Variants in PPP4R2 observed in about 807,000 individuals in gnomAD.
PPP4R2 encodes the protein serine/threonine-protein phosphatase 4 regulatory subunit 2.
In PPP4R2, 13 loss-of-function variants were observed where a neutral mutation model predicts 47.2. The ratio of observed to expected loss-of-function variants is 0.28; its 90% CI spans 0.18 to 0.44. The LOEUF is 0.44. Ranked by LOEUF, PPP4R2 falls within the 20% of genes least tolerant of loss-of-function variation. PPP4R2 has a pLI of 1.00. For synonymous variants in PPP4R2, 151 were observed against 163.3 expected (o/e 0.92, Z 0.57); for missense variants, 421 against 491.2 (o/e 0.86, Z 1.35).
At chr3:73,011,237 T>A (rs1701719240) in intron 2 of PPP4R2, among the ~76,000 whole-genome samples, 2 of 152,144 alleles carry the variant, frequency 1.3e-5, no homozygotes, top group Admixed American at 1.3e-4. Flanking sequence ...CGCAGCACTT[T>A]GGGAGGCCGA....
intron 2 of PPP4R2, among the ~76,000 whole-genome samples, chr3:73,038,015 A>G (rs1455597834): frequency 1.3e-5 from 2 of 152,196 alleles, no homozygotes; most frequent in East Asian, 3.8e-4. Flanking sequence ...CTGAGTTGGT[A>G]GAATGAAAAA....
intron 2 of PPP4R2, among the ~76,000 whole-genome samples, chr3:73,022,884 T>G: frequency 6.6e-6 from 1 of 151,722 alleles, no homozygotes; most frequent in East Asian, 1.9e-4. Context: ...ACAAGCAACT[T>G]GGAAGAGACA....
chr3:73,058,921 C>G, intron 3 of PPP4R2, 116 bp from the exon 4 acceptor site: 1 of 584,808 alleles, frequency 1.7e-6, no homozygotes, highest in South Asian at 2.2e-5. Context: ...ATAGCATTTT[C>G]TTTTGTAGCT....
At chr3:73,063,940 C>G in intron 6 of PPP4R2, 63 bp from the exon 7 acceptor site, 1 of 1,447,364 alleles carries the variant, frequency 6.9e-7, no homozygotes, top group Non-Finnish European at 9.4e-7. Context: ...TTCACATCAA[C>G]ATACCTTAAG....
In PPP4R2 at chr3:72,998,183, G is replaced by A. The variant is rs371960288; in HGVS notation, c.116+25G>A. The stretch of plus-strand genomic sequence containing the variant: ...TGTGAGTTGAAAACATGCATTTGTC[G>A]TTATAGACCAGTGCATTATTAAGAA... On this transcript the variant is annotated intron_variant, in intron 2 of 8. Coordinates refer to ENST00000356692, the MANE Select transcript of PPP4R2 (RefSeq NM_174907.4). 300 of 1,458,146 alleles carry A rather than the reference G, an allele frequency of 2.1e-4. 4 individuals are homozygous for A. The highest frequency in any genetic ancestry group is 1.9e-3 in the Middle Eastern group (11 of 5,776). 90.3% of individuals were successfully genotyped at this position (1,458,146 alleles called of 1,614,324 possible).
chr3:73,013,366 T>G (rs1427946416), intron 2 of PPP4R2, among the ~76,000 whole-genome samples: 1 of 152,248 alleles, frequency 6.6e-6, no homozygotes, highest in African/African-American at 2.4e-5. Flanking sequence ...AACTGCATTT[T>G]GAGTGTAATG....
chr3:73,050,538 T>C (rs1190957252), intron 3 of PPP4R2, among the ~76,000 whole-genome samples: 3 of 152,174 alleles, frequency 2.0e-5, no homozygotes, highest in East Asian at 1.9e-4. Flanking sequence ...TCCATTCTTA[T>C]ACACTCCTCC....
At chr3:73,032,936 C>CT (rs1168201026) in intron 2 of PPP4R2, among the ~76,000 whole-genome samples, 1 of 151,974 alleles carries the variant, frequency 6.6e-6, no homozygotes, top group Non-Finnish European at 1.5e-5. Flanking sequence ...CTTGTTGAGC[C>CT]TTCTTAACTG....
intron 2 of PPP4R2, among the ~76,000 whole-genome samples, chr3:73,032,289 C>CTTTT (rs199550474): frequency 6.9e-6 from 1 of 144,984 alleles, no homozygotes; most frequent in African/African-American, 2.5e-5. Flanking sequence ...AAAATTATTT[C>CTTTT]TTTTTTTTTT....
rs1701658182 is a variant in PPP4R2, at chr3:73,008,445, C to G, written c.116+10287C>G. Among the ~76,000 whole-genome samples, 4 of 152,244 alleles carry G rather than the reference C, an allele frequency of 2.6e-5. No individual in the cohort carries two copies. In the South Asian group the frequency reaches 8.3e-4, roughly 32 times the overall value. On this transcript the variant is annotated intron_variant, in intron 2 of 8. Coordinates refer to ENST00000356692, the MANE Select transcript of PPP4R2 (RefSeq NM_174907.4). ...TTAATTTTTCTTATCTTCATTCTTT[C>G]GGGTGCCCAAATAAGCTCATGTTTT...
At chr3:73,012,386 GGC>G (rs1227306899) in intron 2 of PPP4R2, among the ~76,000 whole-genome samples, 2 of 151,992 alleles carry the variant, frequency 1.3e-5, no homozygotes, top group South Asian at 4.1e-4. Flanking sequence ...TGCAACCTCT[GGC>G]TTCCGGGTTC....
intron 4 of PPP4R2, among the ~76,000 whole-genome samples, chr3:73,059,448 T>C (rs570267971): frequency 1.3e-5 from 2 of 152,322 alleles, no homozygotes; most frequent in East Asian, 1.9e-4. Context: ...ATAGAGTGTT[T>C]TATAAACTTA....
intron 2 of PPP4R2, among the ~76,000 whole-genome samples, chr3:73,000,521 A>T (rs1237334846): frequency 6.6e-6 from 1 of 152,216 alleles, no homozygotes; most frequent in Non-Finnish European, 1.5e-5. Context: ...TTAGAATTGT[A>T]AGTATAGGCT....
At chr3:73,004,006 T>C (rs1299200317) in intron 2 of PPP4R2, among the ~76,000 whole-genome samples, 2 of 151,522 alleles carry the variant, frequency 1.3e-5, no homozygotes, top group African/African-American at 4.8e-5. Context: ...GGCCTAACTT[T>C]TGTATTTTTA....
At chr3:73,063,871 G>C (rs1468342126) in intron 6 of PPP4R2, 124 bp downstream of exon 6, 2 of 1,111,020 alleles carry the variant, frequency 1.8e-6, no homozygotes, top group East Asian at 4.7e-5. Context: ...CATAGAATTA[G>C]TTAATTTGGT....
At chr3:73,048,967 A>G (rs1020530393) in intron 3 of PPP4R2, among the ~76,000 whole-genome samples, 21 of 152,128 alleles carry the variant, frequency 1.4e-4, no homozygotes, top group Non-Finnish European at 2.4e-4. Context: ...TTCATCAGTT[A>G]TAGTTACCCC....
rs148465269 is a variant in PPP4R2 at position 73,057,802 on chromosome 3, TAGAG to T, written c.288-1231_288-1228del. 6.1e-3 allele frequency among the ~76,000 whole-genome samples: 928 copies of T among 152,240 alleles called. 14 individuals are homozygous for T. Among genetic ancestry groups the T allele is most frequent in the African/African-American group, 0.02 (845 of 41,564 alleles). ...ATGGAAAGGACATGAGATTTGAAGT[TAGAG>T]AGACTGAGTTTGAGTCCTGGCATTT... On this transcript the variant is annotated intron_variant, in intron 3 of 8. Transcript: ENST00000356692.
intron 2 of PPP4R2, among the ~76,000 whole-genome samples, chr3:73,046,290 G>C (rs1011516090): frequency 6.6e-6 from 1 of 152,172 alleles, no homozygotes; most frequent in African/African-American, 2.4e-5. Context: ...CTAGTTTATA[G>C]GGTTGCTGCA....
chr3:73,009,699 C>T (rs9834040), intron 2 of PPP4R2, among the ~76,000 whole-genome samples: 58,304 of 151,738 alleles, frequency 0.38, 11,566 homozygotes, highest in African/African-American at 0.44. Flanking sequence ...AGGTCTTTTC[C>T]CTTTTTGATG....
Sources: gnomAD v4.1 joint callset for allele counts (sites outside exome capture counted in the v4.1 genomes callset) on GRCh38, gnomAD v4.1.1 for gene constraint, MANE v1.5 for transcripts, NCBI Gene and HGNC (gene_info 2026-07-23, HGNC 2026-07-21) for gene names.